The following ITGA8 variants were observed in gnomAD, a reference collection of about 807,000 sequenced individuals.
ITGA8 encodes integrin alpha-8.
In ITGA8, 91 loss-of-function variants were observed where a neutral mutation model predicts 142.3. The observed-to-expected ratio is 0.64, with a 90% CI of 0.54 to 0.76. The LOEUF (loss-of-function observed/expected upper bound fraction) is 0.76, where lower values mean the gene tolerates loss of function less well. Ranked by LOEUF, ITGA8 falls within the 30% of genes least tolerant of loss-of-function variation. The pLI, the probability that ITGA8 is intolerant of heterozygous loss-of-function variation, is 0.00. For missense variants in ITGA8, 1,406 were observed against 1,327.7 expected, an observed-to-expected ratio of 1.06 and a Z score of -0.92; for synonymous variants, 505 against 485.2, an observed-to-expected ratio of 1.04 and a Z score of -0.54.
intron 20 of ITGA8, among the ~76,000 whole-genome samples, chr10:15,601,514 C>T (rs777231165): frequency 6.6e-6 from 1 of 152,074 alleles, no homozygotes. Flanking sequence ...GTTGCACTAC[C>T]ACGTAAATAT....
chr10:15,594,118 G>C (rs1379118381), intron 21 of ITGA8, among the ~76,000 whole-genome samples: 4 of 152,046 alleles, frequency 2.6e-5, no homozygotes, highest in Non-Finnish European at 5.9e-5. Context: ...GGGGTTACAG[G>C]TGTGAGCCAA....
intron 28 of ITGA8, among the ~76,000 whole-genome samples, chr10:15,520,016 C>A (rs1434616872): frequency 6.6e-6 from 1 of 152,118 alleles, no homozygotes. Context: ...GAAGGATATC[C>A]CAGAGCATGA....
intron 15 of ITGA8, among the ~76,000 whole-genome samples, chr10:15,610,992 TA>T (rs1833284139): frequency 6.6e-6 from 1 of 152,218 alleles, no homozygotes; most frequent in Non-Finnish European, 1.5e-5. Flanking sequence ...CAATTAAAGA[TA>T]GATACTTTAT....
chr10:15,699,019 C>A (rs1835109068), intron 2 of ITGA8, among the ~76,000 whole-genome samples: 1 of 152,194 alleles, frequency 6.6e-6, no homozygotes, highest in African/African-American at 2.4e-5. Flanking sequence ...GGCACAGTGG[C>A]TCATGCCTGT....
At chr10:15,625,679 C>G (rs1833568924) in intron 13 of ITGA8, among the ~76,000 whole-genome samples, 2 of 152,140 alleles carry the variant, frequency 1.3e-5, no homozygotes, top group Admixed American at 1.3e-4. Context: ...CCAAAAAAGT[C>G]CTATGTTGAA....
chr10:15,614,385 T>C (rs1033710604), intron 14 of ITGA8, among the ~76,000 whole-genome samples: 1 of 152,134 alleles, frequency 6.6e-6, no homozygotes, highest in Non-Finnish European at 1.5e-5. Context: ...TAAAGAGCTT[T>C]AAAACAAATT....
At chr10:15,591,223 G>A (rs146412317) in intron 22 of ITGA8, among the ~76,000 whole-genome samples, 1 of 151,990 alleles carries the variant, frequency 6.6e-6, no homozygotes, top group African/African-American at 2.4e-5. Flanking sequence ...TTAATAGTTA[G>A]AGCAAGGGTT....
intron 17 of ITGA8, 93 bp downstream of exon 17, chr10:15,607,584 C>G: frequency 8.6e-7 from 1 of 1,169,030 alleles, no homozygotes; most frequent in Non-Finnish European, 1.3e-6. Flanking sequence ...AGATGGGGGT[C>G]TATGCAGACA....
chr10:15,537,265 C>G (rs186125996), intron 27 of ITGA8, among the ~76,000 whole-genome samples: 1 of 152,108 alleles, frequency 6.6e-6, no homozygotes, highest in Admixed American at 6.6e-5. Flanking sequence ...TTAATAGGCC[C>G]CAATGTACAG....
rs770783791 is a variant in ITGA8, at chr10:15,606,321, T to C, written c.1866A>G (p.Ile622Met). The C allele has an allele frequency of 6.2e-7, 1 of 1,612,318 alleles. No individual in the cohort carries two copies. The highest frequency in any genetic ancestry group is 8.5e-7 in the Non-Finnish European group (1 of 1,178,512). ...CAATGTTTTCTCTGTAGTAGTTCAA[T>C]ATTGGTTTCACTTCCAGGCCTTCTT... ...TFKEGLEVKPILNYYRENIVS... is the reference protein window; with the variant it reads ...TFKEGLEVKPMLNYYRENIVS... Residue 622 changes from isoleucine (I) to methionine (M), a missense_variant, in exon 18 of 30, where the codon ATA (isoleucine) becomes ATG (methionine). Physicochemically the swap from Ile to Met is conservative, Grantham distance 10. Coordinates refer to ENST00000378076, the MANE Select transcript of ITGA8 (RefSeq NM_003638.3).
chr10:15,688,780 C>G (rs1171728452), intron 2 of ITGA8, among the ~76,000 whole-genome samples: 1 of 152,114 alleles, frequency 6.6e-6, no homozygotes, highest in Non-Finnish European at 1.5e-5. Flanking sequence ...CAGAGAAAGC[C>G]TTTGACAAAA....
In ITGA8 at chr10:15,604,288, C is replaced by A; in HGVS notation, c.2038G>T (p.Gly680Trp). Residue 680 changes from glycine to tryptophan, a missense_variant, in exon 20 of 30, where the codon GGG becomes TGG. Physicochemically the swap from Gly to Trp is radical, Grantham distance 184. Transcript: ENST00000378076. ...LMLIINARNE[G>W]EGAYEAELFV... ...AGTTCAGCTTCATATGCTCCTTCCC[C>A]TTCATTTCTTGCATTTATTATGAGC... 1 of 1,612,830 alleles carries A rather than the reference C, an allele frequency of 6.2e-7. No homozygotes were observed. The highest frequency in any genetic ancestry group is 8.5e-7 in the Non-Finnish European group (1 of 1,179,024).
chr10:15,586,255 C>T (rs1190114924), intron 23 of ITGA8, among the ~76,000 whole-genome samples: 1 of 151,794 alleles, frequency 6.6e-6, no homozygotes, highest in Admixed American at 6.6e-5. Flanking sequence ...GACAGGGTTT[C>T]ACGATGTTGG....
chr10:15,675,380 C>T (rs1008825693), intron 6 of ITGA8, among the ~76,000 whole-genome samples: 2 of 152,192 alleles, frequency 1.3e-5, no homozygotes, highest in East Asian at 1.9e-4. Context: ...GAAACACTCC[C>T]TTACCACCTT....
intron 2 of ITGA8, among the ~76,000 whole-genome samples, chr10:15,694,266 GATA>G (rs1246034009): frequency 2.2e-5 from 2 of 91,302 alleles, no homozygotes; most frequent in Admixed American, 1.2e-4. Flanking sequence ...ATATACATCA[GATA>G]ATATATCATA....
At position 15,671,663 on chromosome 10, in the gene ITGA8, A is replaced by G. The variant is rs775710988; in HGVS notation, c.803-16T>C. On this transcript the variant is annotated splice_polypyrimidine_tract_variant and intron_variant, in intron 7 of 29. Coordinates refer to ENST00000378076, the MANE Select transcript of ITGA8 (RefSeq NM_003638.3). ...ACTGAGTATCCTGTTTTAAAGAAAA[A>G]GAAACAAACTAATCACACTTAATGA... 4 of 1,602,540 alleles carry G rather than the reference A, an allele frequency of 2.5e-6. No individual in the cohort carries two copies. The highest frequency in any genetic ancestry group is 3.4e-6 in the Non-Finnish European group (4 of 1,169,786).
intron 25 of ITGA8, among the ~76,000 whole-genome samples, chr10:15,561,274 A>G (rs1246072507): frequency 6.9e-6 from 1 of 145,896 alleles, no homozygotes; most frequent in Non-Finnish European, 1.5e-5. Context: ...ATGTTTATGG[A>G]TGTGGAAAAA....
At chr10:15,707,123 G>A (rs372327768) in intron 2 of ITGA8, among the ~76,000 whole-genome samples, 5 of 152,044 alleles carry the variant, frequency 3.3e-5, no homozygotes, top group African/African-American at 7.2e-5. Context: ...AAATAATACC[G>A]CTCAAGAGGG....
chr10:15,522,627 C>T (rs1382237393), intron 28 of ITGA8, among the ~76,000 whole-genome samples: 2 of 152,330 alleles, frequency 1.3e-5, no homozygotes, highest in East Asian at 3.9e-4. Flanking sequence ...TTAGTCCCTA[C>T]TTTGAGCATG....
Sources: allele counts gnomAD v4.1 joint callset (sites outside exome capture counted in the v4.1 genomes callset), GRCh38; gene constraint gnomAD v4.1.1; transcripts MANE v1.5; gene names NCBI Gene and HGNC (gene_info 2026-07-23, HGNC 2026-07-21).